Variants in CATSPERB observed in about 807,000 individuals in gnomAD.
CATSPERB encodes cation channel sperm-associated auxiliary subunit beta.
Under a neutral mutation model 128.3 loss-of-function variants are expected in CATSPERB, and 93 were observed. The ratio of observed to expected loss-of-function variants is 0.72; its 90% CI spans 0.61 to 0.86. The LOEUF (loss-of-function observed/expected upper bound fraction) is 0.86. Among genes scored for constraint, CATSPERB ranks in the 40% least tolerant of loss-of-function variants. The pLI is 0.00. For missense variants in CATSPERB, 1,153 were observed against 1,329.5 expected, an observed-to-expected ratio of 0.87 and a Z score of 2.06; for synonymous variants, 381 against 448.8, an observed-to-expected ratio of 0.85 and a Z score of 1.91.
intron 11 of CATSPERB, among the ~76,000 whole-genome samples, chr14:91,676,970 G>A (rs1247478602): frequency 6.6e-6 from 1 of 152,072 alleles, no homozygotes; most frequent in East Asian, 1.9e-4. Context: ...CAAGCAATGG[G>A]GAAAGAATTC....
chr14:91,702,621 T>C (rs1226910655), intron 7 of CATSPERB, among the ~76,000 whole-genome samples: 2 of 151,414 alleles, frequency 1.3e-5, no homozygotes, highest in East Asian at 1.9e-4. Flanking sequence ...TTCTCCCATA[T>C]GAATTTTGTG....
chr14:91,585,951 G>A (rs1893290034), intron 26 of CATSPERB, among the ~76,000 whole-genome samples: 1 of 152,226 alleles, frequency 6.6e-6, no homozygotes, highest in Non-Finnish European at 1.5e-5. Context: ...CAGGTCACAA[G>A]TTATGCCTCA....
chr14:91,723,874 T>C (rs1896074979), intron 3 of CATSPERB, among the ~76,000 whole-genome samples: 1 of 151,930 alleles, frequency 6.6e-6, no homozygotes, highest in Admixed American at 6.6e-5. Context: ...GATGGAGAGA[T>C]TGTTGGATGG....
intron 3 of CATSPERB, among the ~76,000 whole-genome samples, chr14:91,723,843 G>GATTA (rs3030682): frequency 5.2e-5 from 2 of 38,308 alleles, no homozygotes; most frequent in African/African-American, 1.3e-4. Flanking sequence ...TTCTAATGGA[G>GATTA]ATTGGCAAGT....
At chr14:91,701,355 G>A (rs1895645254) in intron 7 of CATSPERB, among the ~76,000 whole-genome samples, 1 of 152,108 alleles carries the variant, frequency 6.6e-6, no homozygotes, top group South Asian at 2.1e-4. Context: ...ATATGTGGGA[G>A]GGCTGAGGGG....
At chr14:91,662,935 A>G (rs1450724993) in intron 14 of CATSPERB, among the ~76,000 whole-genome samples, 2 of 152,088 alleles carry the variant, frequency 1.3e-5, no homozygotes, top group Admixed American at 6.6e-5. Context: ...TCTTACTTCT[A>G]TAATTCTTTC....
chr14:91,582,756 G>T (rs1893225422), intron 26 of CATSPERB, among the ~76,000 whole-genome samples: 2 of 152,284 alleles, frequency 1.3e-5, no homozygotes, highest in South Asian at 2.1e-4. Context: ...CTGACTGCAG[G>T]GGTGAGGGAC....
intron 10 of CATSPERB, among the ~76,000 whole-genome samples, chr14:91,689,657 T>C (rs1895433074): frequency 6.6e-6 from 1 of 152,198 alleles, no homozygotes; most frequent in Non-Finnish European, 1.5e-5. Context: ...TTCTTTTACC[T>C]TTATCTCTCC....
At chr14:91,719,322 A>G in intron 5 of CATSPERB, 96 bp downstream of exon 5, 1 of 857,380 alleles carries the variant, frequency 1.2e-6, no homozygotes, top group Non-Finnish European at 1.7e-6. Flanking sequence ...TTTACATGAC[A>G]TAACAAATCA....
At chr14:91,582,096 T>C (rs532719301) in intron 26 of CATSPERB, among the ~76,000 whole-genome samples, 16 of 152,350 alleles carry the variant, frequency 1.1e-4, no homozygotes, top group African/African-American at 3.6e-4. Flanking sequence ...ACTGTGATTA[T>C]TGTGCCACTT....
chr14:91,717,662 T>C (rs1895964928), intron 5 of CATSPERB, among the ~76,000 whole-genome samples: 1 of 152,220 alleles, frequency 6.6e-6, no homozygotes, highest in Admixed American at 6.5e-5. Context: ...ACAATGACTA[T>C]TTTACTACCT....
In CATSPERB at chr14:91,624,846, A is replaced by C. The variant is rs771145673; in HGVS notation, c.1904T>G (p.Val635Gly). 1 of 1,606,960 alleles carries C rather than the reference A, an allele frequency of 6.2e-7. No homozygotes were observed. The highest frequency in any genetic ancestry group is 8.5e-7 in the Non-Finnish European group (1 of 1,178,222). ...TTGTGAATCAAGAGTGAGTTTATAG[A>C]CATTTCCAGCTTTATTAATCAAAAG... Reference protein sequence around the residue: ...SSLLINKAGNVYKLTLDSQVV... With the variant: ...SSLLINKAGNGYKLTLDSQVV... The change falls in exon 18 of 27, where the codon GTC becomes GGC. Residue 635 changes from valine to glycine, a missense_variant. Transcript: ENST00000256343.
At chr14:91,668,900 C>T (rs574404627) in intron 14 of CATSPERB, among the ~76,000 whole-genome samples, 12 of 152,240 alleles carry the variant, frequency 7.9e-5, no homozygotes, top group African/African-American at 1.2e-4. Flanking sequence ...TAACACTCAC[C>T]GCGAGGGTCC....
intron 19 of CATSPERB, 72 bp from the exon 20 acceptor site, chr14:91,617,808 A>C (rs1033662254): frequency 9.1e-7 from 1 of 1,099,730 alleles, no homozygotes; most frequent in Non-Finnish European, 1.3e-6. Context: ...TGATTGGCTA[A>C]TCAGATTTTA....
In CATSPERB at chr14:91,588,009, T is replaced by C. The variant is rs747625080; in HGVS notation, c.3026A>G (p.Tyr1009Cys). The C allele has an allele frequency of 3.7e-6, 6 of 1,611,918 alleles. No homozygotes were observed. The highest frequency in any genetic ancestry group is 1.1e-5 in the South Asian group (1 of 90,924). ...LVEPILGAAVYNPSGLNLSIK... is the reference protein window; with the variant it reads ...LVEPILGAAVCNPSGLNLSIK... ...GCTTAAGTTGAGACCTGAAGGATTA[T>C]ACACTGCAGCACCAAGAATTGGTTC... Residue 1009 changes from tyrosine to cysteine, a missense_variant, in exon 25 of 27, where the codon TAT becomes TGT. Transcript: ENST00000256343.
At chr14:91,604,799 T>C (rs887988659) in intron 22 of CATSPERB, 1 of 1,603,236 alleles carries the variant, frequency 6.2e-7, no homozygotes, top group East Asian at 2.2e-5. Flanking sequence ...GAGGCTGGGG[T>C]AGGTAGGTGC....
intron 10 of CATSPERB, among the ~76,000 whole-genome samples, chr14:91,687,003 A>G (rs2039611674): frequency 6.6e-6 from 1 of 152,164 alleles, no homozygotes. Flanking sequence ...AATTATTGAT[A>G]AGTGAAGAAA....
intron 19 of CATSPERB, among the ~76,000 whole-genome samples, chr14:91,621,174 G>A (rs914238374): frequency 2.6e-5 from 4 of 152,196 alleles, no homozygotes; most frequent in African/African-American, 7.2e-5. Context: ...GGCTGAGGCA[G>A]GTGAATCACT....
At chr14:91,680,738 C>T (rs935498704) in intron 11 of CATSPERB, among the ~76,000 whole-genome samples, 8 of 152,110 alleles carry the variant, frequency 5.3e-5, no homozygotes, top group South Asian at 2.1e-4. Flanking sequence ...TTGATACTGC[C>T]TCTGGCATAT....
Sources: gnomAD v4.1 joint callset for allele counts (sites outside exome capture counted in the v4.1 genomes callset) on GRCh38, gnomAD v4.1.1 for gene constraint, MANE v1.5 for transcripts, NCBI Gene and HGNC (gene_info 2026-07-23, HGNC 2026-07-21) for gene names.